The following PDGFD variants were observed in gnomAD, a reference collection of about 807,000 sequenced individuals.
The protein encoded by PDGFD is platelet derived growth factor D.
A neutral mutation model predicts 44.7 loss-of-function variants in PDGFD; 30 were observed. The observed-to-expected ratio is 0.67, with a 90% CI of 0.50 to 0.91. The LOEUF (loss-of-function observed/expected upper bound fraction) is 0.91. Ranked by LOEUF, PDGFD falls within the 40% of genes least tolerant of loss-of-function variation. PDGFD has a pLI of 0.00. For synonymous variants in PDGFD, 173 were observed against 168.4 expected (o/e 1.03, Z -0.21); for missense variants, 445 against 457.8 (o/e 0.97, Z 0.25).
At chr11:104,025,152 A>T (rs1270285667) in intron 1 of PDGFD, among the ~76,000 whole-genome samples, 1 of 152,234 alleles carries the variant, frequency 6.6e-6, no homozygotes, top group Non-Finnish European at 1.5e-5. Context: ...ATTTTATTAC[A>T]TATTGTAATT....
At chr11:103,939,753 C>A (rs1030605225) in intron 5 of PDGFD, among the ~76,000 whole-genome samples, 2 of 152,052 alleles carry the variant, frequency 1.3e-5, no homozygotes, top group Non-Finnish European at 2.9e-5. Flanking sequence ...GCAATTTGAA[C>A]TTAAAATACT....
chr11:104,099,827 T>G (rs972656189), intron 1 of PDGFD, among the ~76,000 whole-genome samples: 2 of 152,012 alleles, frequency 1.3e-5, no homozygotes, highest in Non-Finnish European at 2.9e-5. Flanking sequence ...TATTTAATAT[T>G]TATCCAATTG....
At chr11:104,033,282 C>G (rs1860157646) in intron 1 of PDGFD, among the ~76,000 whole-genome samples, 1 of 151,954 alleles carries the variant, frequency 6.6e-6, no homozygotes, top group African/African-American at 2.4e-5. Flanking sequence ...AGATTCCAGG[C>G]TGTTTTGCAA....
At chr11:104,026,074 C>T (rs1175408354) in intron 1 of PDGFD, among the ~76,000 whole-genome samples, 1 of 152,120 alleles carries the variant, frequency 6.6e-6, no homozygotes, top group Non-Finnish European at 1.5e-5. Flanking sequence ...CTGTTGATCC[C>T]AACTCTGCAG....
At chr11:103,955,013 A>C (rs1315333382) in intron 3 of PDGFD, among the ~76,000 whole-genome samples, 1 of 150,286 alleles carries the variant, frequency 6.7e-6, no homozygotes, top group Non-Finnish European at 1.5e-5. Context: ...AAATACAAAA[A>C]ATTAGCCGGG....
At chr11:103,995,926 A>C in intron 3 of PDGFD, 139 bp downstream of exon 3, 3 of 690,598 alleles carry the variant, frequency 4.3e-6, no homozygotes, top group Non-Finnish European at 7.0e-6. Context: ...TAACATTTTG[A>C]CCATAAGGTA....
At chr11:104,014,688 A>G (rs1374260725) in intron 1 of PDGFD, among the ~76,000 whole-genome samples, 1 of 152,200 alleles carries the variant, frequency 6.6e-6, no homozygotes, top group Non-Finnish European at 1.5e-5. Flanking sequence ...CCAATTTGTG[A>G]AGCCAAATAG....
intron 1 of PDGFD, among the ~76,000 whole-genome samples, chr11:104,046,099 A>C (rs1478967321): frequency 2.0e-5 from 3 of 147,664 alleles, no homozygotes; most frequent in Non-Finnish European, 1.5e-5. Flanking sequence ...GAAGGAAAGT[A>C]AAATGGCAAA....
intron 3 of PDGFD, among the ~76,000 whole-genome samples, chr11:103,957,078 C>CCA (rs915882756): frequency 2.2e-4 from 33 of 152,202 alleles, no homozygotes; most frequent in African/African-American, 7.2e-4. Flanking sequence ...TCCCATTTGT[C>CCA]AATTTTGGCT....
chr11:103,953,156 T>C (rs761855272), intron 3 of PDGFD, among the ~76,000 whole-genome samples: 2 of 152,112 alleles, frequency 1.3e-5, no homozygotes, highest in East Asian at 1.9e-4. Context: ...ATATACAAGA[T>C]GTGTACATAC....
At chr11:104,075,567 C>A (rs1055966504) in intron 1 of PDGFD, among the ~76,000 whole-genome samples, 1 of 151,658 alleles carries the variant, frequency 6.6e-6, no homozygotes. Flanking sequence ...GATCATGGCT[C>A]ACTGCAACCT....
At chr11:104,118,809 A>G (rs7342218) in intron 1 of PDGFD, among the ~76,000 whole-genome samples, 2 of 49,568 alleles carry the variant, frequency 4.0e-5, no homozygotes, top group African/African-American at 1.3e-4. Flanking sequence ...ATTAATATAT[A>G]ATATATTATA....
intron 1 of PDGFD, among the ~76,000 whole-genome samples, chr11:104,101,006 G>C (rs1479370913): frequency 2.0e-5 from 3 of 152,106 alleles, no homozygotes; most frequent in South Asian, 2.1e-4. Flanking sequence ...TACTGAATGG[G>C]CAAAAACTGG....
intron 1 of PDGFD, among the ~76,000 whole-genome samples, chr11:104,086,626 A>G (rs1861134000): frequency 6.6e-6 from 1 of 152,270 alleles, no homozygotes; most frequent in Non-Finnish European, 1.5e-5. Context: ...CATAGTCTCA[A>G]TATCACCCGG....
At chr11:103,968,800 G>A (rs571764000) in intron 3 of PDGFD, among the ~76,000 whole-genome samples, 14 of 152,288 alleles carry the variant, frequency 9.2e-5, no homozygotes, top group African/African-American at 3.4e-4. Flanking sequence ...ATCTTTCAGA[G>A]TTTTGCAACC....
At chr11:104,028,927 T>C (rs1860086450) in intron 1 of PDGFD, among the ~76,000 whole-genome samples, 1 of 152,182 alleles carries the variant, frequency 6.6e-6, no homozygotes, top group African/African-American at 2.4e-5. Flanking sequence ...ATTGGTTCCC[T>C]GATTTTGAAA....
rs200239592 is a variant in PDGFD at position 104,000,161 on chromosome 11, G to C, written c.219C>G (p.Tyr73Ter). The C allele has an allele frequency of 6.2e-7, 1 of 1,613,994 alleles. No homozygotes were observed. Among genetic ancestry groups the C allele is most frequent in the East Asian group, 2.2e-5 (1 of 44,858 alleles). Residue 73 changes from tyrosine to a stop codon, truncating the protein, a stop_gained, in exon 2 of 7, where the codon TAC (tyrosine) becomes TAG (stop). Transcript: ENST00000393158. LOFTEE classifies it high-confidence loss of function. Reference protein sequence around the residue: ...YVQSPRFPNSYPRNLLLTWRL... With the variant: ...YVQSPRFPNS ...GCCATGTCAGGAGCAGGTTCCTGGG[G>C]TAGCTGTTCGGGAATCTAGGACTCT... is the stretch of plus-strand genomic sequence containing the variant.
intron 1 of PDGFD, among the ~76,000 whole-genome samples, chr11:104,098,021 T>C (rs1414421241): frequency 2.8e-4 from 42 of 152,146 alleles, no homozygotes; most frequent in Admixed American, 2.8e-3. Flanking sequence ...CTTTCAATAA[T>C]TAGAAAAGAG....
At chr11:103,998,824 G>C (rs1276891411) in intron 2 of PDGFD, among the ~76,000 whole-genome samples, 1 of 152,144 alleles carries the variant, frequency 6.6e-6, no homozygotes, top group African/African-American at 2.4e-5. Flanking sequence ...AAACAAGCTG[G>C]TGTTGGAGGA....
Sources: allele counts gnomAD v4.1 joint callset (sites outside exome capture counted in the v4.1 genomes callset), GRCh38; gene constraint gnomAD v4.1.1; transcripts MANE v1.5; gene names NCBI Gene and HGNC (gene_info 2026-07-23, HGNC 2026-07-21).